RAB10: variants seen among roughly 807,000 people sequenced by gnomAD.
The protein encoded by RAB10 is RAB10, member RAS oncogene family, also known as ras-related protein Rab-10.
In RAB10, 5 loss-of-function variants were observed where a neutral mutation model predicts 25.7. The observed-to-expected ratio is 0.19, with a 90% CI of 0.10 to 0.41. The LOEUF is 0.41. RAB10 is among the 10% of genes least tolerant of loss of function. The probability of loss-of-function intolerance (pLI) is 1.00; values close to 1 mark genes in which losing one functional copy is unlikely to be tolerated. For missense variants in RAB10, 103 were observed against 245.8 expected (o/e 0.42, Z 3.89); for synonymous variants, 89 against 86.4 (o/e 1.03, Z -0.16).
chr2:26,126,764 T>A (rs1277891892), intron 3 of RAB10, among the ~76,000 whole-genome samples: 1 of 152,218 alleles, frequency 6.6e-6, no homozygotes, highest in Non-Finnish European at 1.5e-5. Context: ...AGTTTAAGGC[T>A]CTATAAAATG....
chr2:26,098,189 A>C (rs1667268387), intron 1 of RAB10, among the ~76,000 whole-genome samples: 1 of 137,654 alleles, frequency 7.3e-6, no homozygotes, highest in Admixed American at 8.4e-5. Flanking sequence ...GCACAATTAA[A>C]GGCTCACTGC....
Position 26,084,723 on chromosome 2 carries a change from G to A in RAB10, c.128-13939G>A, listed in dbSNP as rs189970315. Among the ~76,000 whole-genome samples, 4 of 54,364 alleles carry A rather than the reference G, an allele frequency of 7.4e-5. 1 individual carries two copies. Among genetic ancestry groups the A allele is most frequent in the African/African-American group, 9.5e-5 (1 of 10,576 alleles). 35.7% of individuals were successfully genotyped at this position (54,364 alleles called of 152,430 possible). A position where few individuals can be genotyped will look rare whatever the true frequency, so the allele number is the denominator to read the frequency against. ...ACATTTTACCCCTTCAGTTTCAGTC[G>A]TTATATCCCTTTTCATCGAGTTACC... On this transcript the variant is annotated intron_variant, in intron 1 of 5. Transcript: ENST00000264710.
intron 1 of RAB10, among the ~76,000 whole-genome samples, chr2:26,062,638 A>G (rs1324459647): frequency 6.6e-6 from 1 of 151,758 alleles, no homozygotes; most frequent in Non-Finnish European, 1.5e-5. Flanking sequence ...AGATCATGCT[A>G]CTCCACTCCA....
chr2:26,076,387 A>G (rs903836140), intron 1 of RAB10, among the ~76,000 whole-genome samples: 1 of 152,174 alleles, frequency 6.6e-6, no homozygotes, highest in African/African-American at 2.4e-5. Flanking sequence ...ATTGGTGTGT[A>G]GTTTGTAACC....
intron 1 of RAB10, among the ~76,000 whole-genome samples, chr2:26,044,431 A>G (rs140239432): frequency 8.3e-4 from 126 of 152,328 alleles, no homozygotes; most frequent in African/African-American, 2.9e-3. Context: ...TTGGAATGTT[A>G]GAATCACAGA....
chr2:26,131,197 C>CCT (rs1384198913), intron 5 of RAB10, among the ~76,000 whole-genome samples: 2 of 151,850 alleles, frequency 1.3e-5, no homozygotes, highest in African/African-American at 4.8e-5. Flanking sequence ...TTTTGGCTTC[C>CCT]CTGGGCCACA....
chr2:26,071,302 T>C (rs1214594735), intron 1 of RAB10, among the ~76,000 whole-genome samples: 2 of 152,190 alleles, frequency 1.3e-5, no homozygotes, highest in African/African-American at 4.8e-5. Context: ...ACTGGCAAAC[T>C]ATGGTTATTC....
At position 26,034,315 on chromosome 2, in the gene RAB10, C is replaced by G; in HGVS notation, c.-294C>G. On this transcript the variant is annotated 5_prime_UTR_variant, in exon 1 of 6. Coordinates refer to ENST00000264710, the MANE Select transcript of RAB10 (RefSeq NM_016131.5). ...TTGCTCGCCCGTGGGAGCGTCCCGG[C>G]CGAGAAGCCCTGAGGGGGGAGGGGA... is the stretch of plus-strand genomic sequence containing the variant. The G allele has an allele frequency of 1.8e-6, 1 of 549,514 alleles. No individual in the cohort carries two copies. Among genetic ancestry groups the G allele is most frequent in the South Asian group, 2.7e-5 (1 of 37,558 alleles). The allele number at this position is 549,514 out of a possible 1,614,324, so 34.0% of individuals were successfully genotyped here.
intron 5 of RAB10, among the ~76,000 whole-genome samples, chr2:26,130,696 AC>A (rs1559600946): frequency 1.3e-5 from 2 of 152,010 alleles, no homozygotes; most frequent in African/African-American, 4.8e-5. Context: ...TGATCCTCTC[AC>A]CCTGGCCTCC....
chr2:26,082,625 C>A (rs1435992805), intron 1 of RAB10, among the ~76,000 whole-genome samples: 1 of 152,062 alleles, frequency 6.6e-6, no homozygotes, highest in Non-Finnish European at 1.5e-5. Context: ...TAATTTAAAA[C>A]CTTTCTGAAA....
At chr2:26,077,450 G>A (rs1666762780) in intron 1 of RAB10, among the ~76,000 whole-genome samples, 1 of 152,138 alleles carries the variant, frequency 6.6e-6, no homozygotes, top group Non-Finnish European at 1.5e-5. Context: ...ATGACCTTAT[G>A]AATCTTTCTA....
intron 1 of RAB10, among the ~76,000 whole-genome samples, chr2:26,047,027 A>C (rs1217273148): frequency 6.6e-6 from 1 of 152,186 alleles, no homozygotes; most frequent in Admixed American, 6.5e-5. Flanking sequence ...ATAACATCAC[A>C]ACCAGAATAT....
In RAB10 at chr2:26,135,748, G is replaced by A. The variant is rs1251170607; in HGVS notation, c.*727G>A. ...GGCCTTGATATTTAAAACTATTCCT[G>A]CCACCATTTCTTCTCCTTGGCCACT... On this transcript the variant is annotated 3_prime_UTR_variant, in exon 6 of 6. Transcript: ENST00000264710. 6.6e-6 allele frequency: 1 copy of A among 152,578 alleles called. No homozygotes were observed. Among genetic ancestry groups the A allele is most frequent in the East Asian group, 1.9e-4 (1 of 5,200 alleles). The allele number at this position is 152,578 out of a possible 1,614,324, so 9.5% of individuals were successfully genotyped here. A position where few individuals can be genotyped will look rare whatever the true frequency, so the allele number is the denominator to read the frequency against.
chr2:26,111,636 C>CA (rs1667574911), intron 3 of RAB10, among the ~76,000 whole-genome samples: 2 of 151,406 alleles, frequency 1.3e-5, no homozygotes, highest in Admixed American at 6.6e-5. Context: ...AATCTTAAAA[C>CA]AAAAAAGCTT....
At chr2:26,100,359 T>C (rs962237542) in intron 2 of RAB10, among the ~76,000 whole-genome samples, 1 of 152,232 alleles carries the variant, frequency 6.6e-6, no homozygotes, top group African/African-American at 2.4e-5. Context: ...CCTGACAGTC[T>C]ACTTAGTAAG....
rs1574568479 is a variant in RAB10 at position 26,136,824 on chromosome 2, GTTATTC to G, written c.*1807_*1812del. The G allele has an allele frequency of 6.6e-6, 1 of 152,514 alleles. No individual in the cohort carries two copies. Among genetic ancestry groups the G allele is most frequent in the Non-Finnish European group, 1.5e-5 (1 of 68,016 alleles). The allele number at this position is 152,514 out of a possible 1,614,324, so 9.4% of individuals were successfully genotyped here. A position where few individuals can be genotyped will look rare whatever the true frequency, so the allele number is the denominator to read the frequency against. ...AACAATTTTATATGCCTCACTGGTT[GTTATTC>G]TTAGGTTATTCCCACACTTGACTTT... On this transcript the variant is annotated 3_prime_UTR_variant, in exon 6 of 6. Coordinates refer to ENST00000264710, the MANE Select transcript of RAB10 (RefSeq NM_016131.5).
intron 1 of RAB10, among the ~76,000 whole-genome samples, chr2:26,035,093 G>C (rs1054775037): frequency 2.0e-5 from 3 of 152,216 alleles, no homozygotes. Context: ...CAGTGGTTGC[G>C]ATTGAAGCAG....
intron 1 of RAB10, among the ~76,000 whole-genome samples, chr2:26,081,341 A>T (rs147986268): frequency 2.0e-5 from 3 of 152,300 alleles, no homozygotes; most frequent in Non-Finnish European, 4.4e-5. Flanking sequence ...GTAAAACTTC[A>T]TATCTGTGAT....
rs573156921 is a variant in RAB10, at chr2:26,037,023, G to T, written c.127+2288G>T. 2.6e-5 allele frequency among the ~76,000 whole-genome samples: 4 copies of T among 152,072 alleles called. No homozygotes were observed. In the East Asian group the frequency reaches 7.8e-4, roughly 30 times the overall value. On this transcript the variant is annotated intron_variant, in intron 1 of 5. Coordinates refer to ENST00000264710, the MANE Select transcript of RAB10 (RefSeq NM_016131.5). Reference sequence around the variant, plus strand: ...TGGTCTTGACCTCAAGCAATCCACCGCCCCAGCCTCCCAAAGTGCTGGGAT... The same window carrying T: ...TGGTCTTGACCTCAAGCAATCCACCTCCCCAGCCTCCCAAAGTGCTGGGAT...
Sources: gnomAD v4.1 joint callset for allele counts (sites outside exome capture counted in the v4.1 genomes callset) on GRCh38, gnomAD v4.1.1 for gene constraint, MANE v1.5 for transcripts, NCBI Gene and HGNC (gene_info 2026-07-23, HGNC 2026-07-21) for gene names.